Variants in PDE1C observed in about 807,000 individuals in gnomAD.
The protein encoded by PDE1C is phosphodiesterase 1C, also known as dual specificity calcium/calmodulin-dependent 3',5'-cyclic nucleotide phosphodiesterase 1C.
In PDE1C, 62 loss-of-function variants were observed where a neutral mutation model predicts 93.1. The observed-to-expected ratio is 0.67, with a 90% CI of 0.54 to 0.82. PDE1C has a LOEUF of 0.82. Among genes scored for constraint, PDE1C ranks in the 40% least tolerant of loss-of-function variants. The probability of loss-of-function intolerance (pLI) is 0.00; values close to 1 mark genes in which losing one functional copy is unlikely to be tolerated. For missense variants in PDE1C, 742 were observed against 884.6 expected (o/e 0.84, Z 2.04); for synonymous variants, 325 against 310.1 (o/e 1.05, Z -0.50).
At chr7:32,194,016 G>A (rs761656977) in intron 2 of PDE1C, among the ~76,000 whole-genome samples, 7 of 146,922 alleles carry the variant, frequency 4.8e-5, no homozygotes, top group Non-Finnish European at 7.4e-5. Flanking sequence ...CCAGGTTCAC[G>A]CCATACTCCT....
At chr7:31,848,746 A>C (rs756464949) in intron 8 of PDE1C, among the ~76,000 whole-genome samples, 1 of 152,212 alleles carries the variant, frequency 6.6e-6, no homozygotes, top group Non-Finnish European at 1.5e-5. Flanking sequence ...GTTTCTCACC[A>C]AGGAAGCTGA....
chr7:31,814,800 T>C (rs956049243), intron 15 of PDE1C, among the ~76,000 whole-genome samples: 1 of 151,262 alleles, frequency 6.6e-6, no homozygotes, highest in Non-Finnish European at 1.5e-5. Context: ...GTGCTGTGAA[T>C]AGGTATTACT....
intron 1 of PDE1C, among the ~76,000 whole-genome samples, chr7:32,290,560 T>C (rs1025634341): frequency 2.0e-5 from 3 of 152,088 alleles, no homozygotes; most frequent in Non-Finnish European, 1.5e-5. Context: ...GTCACAGAGG[T>C]GAATGATCAT....
intron 2 of PDE1C, among the ~76,000 whole-genome samples, chr7:32,205,689 T>G (rs1369997181): frequency 2.0e-5 from 3 of 152,192 alleles, no homozygotes; most frequent in Non-Finnish European, 4.4e-5. Flanking sequence ...TGCTGCTGGC[T>G]TTTTAGGTCT....
intron 2 of PDE1C, among the ~76,000 whole-genome samples, chr7:31,905,951 C>T (rs970427866): frequency 2.6e-5 from 4 of 152,074 alleles, no homozygotes; most frequent in South Asian, 2.1e-4. Context: ...GAATTGGGCA[C>T]GTCTCCTTGC....
At chr7:31,975,627 C>A (rs1811568451) in intron 2 of PDE1C, among the ~76,000 whole-genome samples, 1 of 152,060 alleles carries the variant, frequency 6.6e-6, no homozygotes, top group South Asian at 2.1e-4. Context: ...GAGAAACCGA[C>A]AGAGAATTTA....
intron 1 of PDE1C, among the ~76,000 whole-genome samples, chr7:32,347,532 T>G (rs908871147): frequency 1.3e-5 from 2 of 152,150 alleles, no homozygotes; most frequent in African/African-American, 2.4e-5. Context: ...GTAATTAAGG[T>G]ACCTAATCAG....
the PDE1C span, among the ~76,000 whole-genome samples, chr7:31,686,191 T>C: frequency 6.6e-6 from 1 of 152,304 alleles, no homozygotes; most frequent in Non-Finnish European, 1.5e-5. Flanking sequence ...TTGGCTGCTA[T>C]CAGGGGGTCT....
intron 1 of PDE1C, among the ~76,000 whole-genome samples, chr7:32,263,096 C>A (rs961718270): frequency 6.6e-6 from 1 of 152,186 alleles, no homozygotes; most frequent in African/African-American, 2.4e-5. Context: ...GTTCAACACA[C>A]CCCATTCATG....
chr7:32,343,183 TG>T (rs1459966736), intron 1 of PDE1C, among the ~76,000 whole-genome samples: 1 of 152,202 alleles, frequency 6.6e-6, no homozygotes, highest in African/African-American at 2.4e-5. Context: ...CTTCTAGATC[TG>T]CCCCATCAGC....
chr7:32,376,929 C>T (rs1444639861), intron 1 of PDE1C, among the ~76,000 whole-genome samples: 5 of 152,032 alleles, frequency 3.3e-5, no homozygotes, highest in Non-Finnish European at 7.4e-5. Context: ...CCTCATCATC[C>T]GCCAGCCTCG....
chr7:32,083,924 T>A (rs1315925943), intron 3 of PDE1C, among the ~76,000 whole-genome samples: 1 of 148,890 alleles, frequency 6.7e-6, no homozygotes, highest in Non-Finnish European at 1.5e-5. Context: ...CCATCGAGAC[T>A]AGGAAGAAAC....
chr7:32,261,990 A>AG (rs1810237109), intron 1 of PDE1C, among the ~76,000 whole-genome samples: 1 of 145,434 alleles, frequency 6.9e-6, no homozygotes, highest in South Asian at 2.2e-4. Flanking sequence ...GGCTCACACC[A>AG]GGGGTTGCTT....
At chr7:32,407,085 C>A (rs569081579) in intron 1 of PDE1C, among the ~76,000 whole-genome samples, 1 of 152,092 alleles carries the variant, frequency 6.6e-6, no homozygotes, top group Non-Finnish European at 1.5e-5. Flanking sequence ...ACCAGCCTGG[C>A]CAACATGGTG....
At chr7:32,085,373 C>T (rs1797002616) in intron 3 of PDE1C, among the ~76,000 whole-genome samples, 2 of 139,290 alleles carry the variant, frequency 1.4e-5, no homozygotes, top group South Asian at 5.1e-4. Context: ...AGCTTACCAA[C>T]CAAAAAGAGT....
At chr7:31,969,127 A>G (rs1213258018) in intron 2 of PDE1C, among the ~76,000 whole-genome samples, 1 of 152,232 alleles carries the variant, frequency 6.6e-6, no homozygotes, top group Middle Eastern at 3.2e-3. Context: ...CAAAGTTGAC[A>G]AATGGGATCT....
At chr7:31,755,569 G>A (rs1464226113) in intron 17 of PDE1C, among the ~76,000 whole-genome samples, 1 of 80,044 alleles carries the variant, frequency 1.2e-5, no homozygotes, top group African/African-American at 4.8e-5. Flanking sequence ...AATTTGAAGT[G>A]TTCAAAAAAA....
At chr7:31,949,455 C>T (rs556384385) in intron 2 of PDE1C, among the ~76,000 whole-genome samples, 11 of 152,064 alleles carry the variant, frequency 7.2e-5, no homozygotes, top group African/African-American at 2.4e-4. Flanking sequence ...AGTGAAACTC[C>T]GTCTCACAAA....
chr7:31,911,564 C>A (rs1801252536), intron 2 of PDE1C, among the ~76,000 whole-genome samples: 1 of 152,142 alleles, frequency 6.6e-6, no homozygotes, highest in Non-Finnish European at 1.5e-5. Flanking sequence ...CTAATCTCCC[C>A]AGCACACCCT....
Sources: gnomAD v4.1 joint callset for allele counts (sites outside exome capture counted in the v4.1 genomes callset) on GRCh38, gnomAD v4.1.1 for gene constraint, MANE v1.5 for transcripts, NCBI Gene and HGNC (gene_info 2026-07-23, HGNC 2026-07-21) for gene names.